CACNA1H: variants seen among roughly 807,000 people sequenced by gnomAD.
CACNA1H encodes the protein calcium voltage-gated channel subunit alpha1 H.
A neutral mutation model predicts 192.5 loss-of-function variants in CACNA1H; 149 were observed. That is an observed-to-expected ratio of 0.77 (90% CI 0.68 to 0.89). The LOEUF (loss-of-function observed/expected upper bound fraction) is 0.89, where lower values mean the gene tolerates loss of function less well. Among genes scored for constraint, CACNA1H ranks in the 40% least tolerant of loss-of-function variants. The pLI, the probability that CACNA1H is intolerant of heterozygous loss-of-function variation, is 0.00. For missense variants in CACNA1H, 4,257 were observed against 3,423.5 expected (o/e 1.24, Z -6.08); for synonymous variants, 2,202 against 1,475.2 (o/e 1.49, Z -11.29).
intron 2 of CACNA1H, among the ~76,000 whole-genome samples, chr16:1,190,246 C>T (rs1352140325): frequency 6.6e-6 from 1 of 152,246 alleles, no homozygotes; most frequent in South Asian, 2.1e-4. Context: ...CTCCGACCCG[C>T]AGTGGAAATT....
chr16:1,211,369 G>A lies in CACNA1H; in HGVS notation c.4350+75G>A, dbSNP rs907548837. 2.6e-5 allele frequency: 41 copies of A among 1,607,202 alleles called. No individual in the cohort carries two copies. In the African/African-American group the frequency reaches 4.7e-4, roughly 18 times the overall value. ...TGCCTTCCCAGCGTGGCTCCCAGCAGCGCCGCTGCGGGACGGGGAGGGACA... is the reference window on the plus strand; with the variant it reads ...TGCCTTCCCAGCGTGGCTCCCAGCAACGCCGCTGCGGGACGGGGAGGGACA... On this transcript the variant is annotated intron_variant, in intron 22 of 34. Transcript: ENST00000348261.
intron 2 of CACNA1H, among the ~76,000 whole-genome samples, chr16:1,183,289 C>G (rs1277309327): frequency 6.6e-6 from 1 of 152,168 alleles, no homozygotes; most frequent in Non-Finnish European, 1.5e-5. Context: ...TTTCCCCCAG[C>G]ACAGAGGGGT....
chr16:1,212,991 G>A (rs1218122800), intron 26 of CACNA1H, among the ~76,000 whole-genome samples: 1 of 152,240 alleles, frequency 6.6e-6, no homozygotes, highest in African/African-American at 2.4e-5. Context: ...TTCTGTGGCC[G>A]AGGCAGGTCC....
chr16:1,163,199 A>G (rs1291173459), intron 2 of CACNA1H, among the ~76,000 whole-genome samples: 1 of 152,212 alleles, frequency 6.6e-6, no homozygotes, highest in Non-Finnish European at 1.5e-5. Context: ...CAGCTCGGCC[A>G]TGGACCTTGA....
Position 1,216,963 on chromosome 16 carries a change from TG to T in CACNA1H, c.5277del (p.Phe1761LeufsTer25). 1 of 1,605,402 alleles carries T rather than the reference TG, an allele frequency of 6.2e-7. No homozygotes were observed. The highest frequency in any genetic ancestry group is 8.5e-7 in the Non-Finnish European group (1 of 1,176,154). ...AACCTGGGCCTTCTTTTCATGCTCC[TG>T]TTTTTTATCTATGCTGCGCTGGGAG... ...VGNLGLLFML[L>X]FFIYAALGVE... is the part of the protein sequence containing the mutation. On this transcript the variant is annotated frameshift_variant, in exon 31 of 35. Coordinates refer to ENST00000348261, the MANE Select transcript of CACNA1H (RefSeq NM_021098.3). LOFTEE classifies it high-confidence loss of function.
At chr16:1,157,267 G>A (rs1962549178) in intron 2 of CACNA1H, 2 of 152,260 alleles carry the variant, frequency 1.3e-5, no homozygotes, top group Admixed American at 1.3e-4. Context: ...GCTGGGGGTT[G>A]GCAGGACCCC....
chr16:1,190,339 C>T (rs950438066), intron 2 of CACNA1H, among the ~76,000 whole-genome samples: 1 of 152,242 alleles, frequency 6.6e-6, no homozygotes, highest in Non-Finnish European at 1.5e-5. Context: ...GATTAAGCCT[C>T]CAGAAGTCAC....
chr16:1,211,622 G>A lies in CACNA1H; in HGVS notation c.4476+16G>A, dbSNP rs746670693. ...CCTGGGCCAGGTGGGCTGGGCGGCCGGGCGGGAGCTGGGGGTCTCCAGGAC... is the reference window on the plus strand; with the variant it reads ...CCTGGGCCAGGTGGGCTGGGCGGCCAGGCGGGAGCTGGGGGTCTCCAGGAC... On this transcript the variant is annotated intron_variant, in intron 23 of 34. Coordinates refer to ENST00000348261, the MANE Select transcript of CACNA1H (RefSeq NM_021098.3). 1.3e-5 allele frequency: 21 copies of A among 1,608,924 alleles called. No homozygotes were observed. The highest frequency in any genetic ancestry group is 1.6e-4 in the Middle Eastern group (1 of 6,076).
intron 2 of CACNA1H, among the ~76,000 whole-genome samples, 183 bp downstream of exon 2, chr16:1,154,219 G>C (rs1186953125): frequency 1.3e-5 from 2 of 151,566 alleles, no homozygotes; most frequent in Non-Finnish European, 3.0e-5. Flanking sequence ...GAGAGTGGCG[G>C]GCTTGGGGGG....
chr16:1,158,468 G>A (rs747239256), intron 2 of CACNA1H, among the ~76,000 whole-genome samples: 5 of 152,156 alleles, frequency 3.3e-5, no homozygotes, highest in Non-Finnish European at 7.4e-5. Context: ...GGGGTCTGCC[G>A]AGCGCCTGTC....
chr16:1,172,762 G>A (rs961090382), intron 2 of CACNA1H, among the ~76,000 whole-genome samples: 34 of 152,250 alleles, frequency 2.2e-4, no homozygotes, highest in African/African-American at 4.3e-4. Context: ...ACCCAGGGGC[G>A]GAGTGGGCTG....
chr16:1,158,397 G>C (rs1443331487), intron 2 of CACNA1H, among the ~76,000 whole-genome samples: 1 of 151,950 alleles, frequency 6.6e-6, no homozygotes, highest in East Asian at 1.9e-4. Flanking sequence ...CGAGCGCCTG[G>C]GGGCAGCTCA....
rs74456567 is a variant in CACNA1H at position 1,165,435 on chromosome 16, A to G, written c.299+11399A>G. ...CCGTGGAAATCTGGGTCACTCAAAT[A>G]AGGAGGATGAGGCCTATGGTCTCAG... On this transcript the variant is annotated intron_variant, in intron 2 of 34. Transcript: ENST00000348261. Among the ~76,000 whole-genome samples the G allele has an allele frequency of 6.4e-3, 967 of 152,246 alleles. 8 individuals carry two copies. The highest frequency in any genetic ancestry group is 0.022 in the African/African-American group (893 of 41,534).
At chr16:1,172,666 CCT>C (rs1567453367) in intron 2 of CACNA1H, among the ~76,000 whole-genome samples, 1 of 152,222 alleles carries the variant, frequency 6.6e-6, no homozygotes, top group East Asian at 1.9e-4. Flanking sequence ...TAACCGGCTT[CCT>C]GTAGCCACAG....
At chr16:1,212,401 C>G (rs545811145) in intron 25 of CACNA1H, 110 bp from the exon 26 acceptor site, 4 of 1,214,530 alleles carry the variant, frequency 3.3e-6, no homozygotes, top group Non-Finnish European at 4.7e-6. Flanking sequence ...CCTCACTCCA[C>G]GAGGAGCCAG....
Position 1,221,678 on chromosome 16 carries a change from T to G in CACNA1H, c.*684T>G. The G allele has an allele frequency of 8.7e-7, 1 of 1,153,600 alleles. No homozygotes were observed. Among genetic ancestry groups the G allele is most frequent in the Non-Finnish European group, 1.2e-6 (1 of 831,880 alleles). 71.5% of individuals were successfully genotyped at this position (1,153,600 alleles called of 1,614,324 possible). On this transcript the variant is annotated 3_prime_UTR_variant, in exon 35 of 35. Transcript: ENST00000348261. ...TGTTTCGTGTGCTTTTAAATTCAGG[T>G]TAAATGTTGCAATAATCTGATGCAG...
intron 2 of CACNA1H, among the ~76,000 whole-genome samples, chr16:1,176,828 T>TCC (rs1964936314): frequency 6.6e-6 from 1 of 152,054 alleles, no homozygotes; most frequent in Non-Finnish European, 1.5e-5. Flanking sequence ...CCTCGGCCCT[T>TCC]CCCCCGCGTC....
chr16:1,178,697 C>T (rs1965163212), intron 2 of CACNA1H, among the ~76,000 whole-genome samples: 1 of 152,232 alleles, frequency 6.6e-6, no homozygotes, highest in African/African-American at 2.4e-5. Flanking sequence ...TCGGGTCCCT[C>T]CCTGACCCCT....
rs1967676273 is a variant in CACNA1H, at chr16:1,200,250, C to T, written c.804-6C>T. ...ACCTTTTGGCCCTGGCTGTGCCCAT[C>T]CCCAGGAACAACAACCTGACCTTCC... On this transcript the variant is annotated splice_region_variant and splice_polypyrimidine_tract_variant and intron_variant, in intron 6 of 34. Transcript: ENST00000348261. The T allele has an allele frequency of 6.3e-7, 1 of 1,590,222 alleles. No homozygotes were observed. Among genetic ancestry groups the T allele is most frequent in the Non-Finnish European group, 8.6e-7 (1 of 1,167,308 alleles).
Sources: allele counts gnomAD v4.1 joint callset (sites outside exome capture counted in the v4.1 genomes callset), GRCh38; gene constraint gnomAD v4.1.1; transcripts MANE v1.5; gene names NCBI Gene and HGNC (gene_info 2026-07-23, HGNC 2026-07-21).